SLC8A1: variants seen among roughly 807,000 people sequenced by gnomAD.
The protein encoded by SLC8A1 is solute carrier family 8 member A1.
In SLC8A1, 18 loss-of-function variants were observed where a neutral mutation model predicts 68.3. The observed-to-expected ratio is 0.26, with a 90% CI of 0.18 to 0.39. The LOEUF (loss-of-function observed/expected upper bound fraction) is 0.39. Ranked by LOEUF, SLC8A1 falls within the 10% of genes least tolerant of loss-of-function variation. The probability of loss-of-function intolerance (pLI) is 1.00; values close to 1 mark genes in which losing one functional copy is unlikely to be tolerated. For missense variants in SLC8A1, 985 were observed against 1,156.7 expected (o/e 0.85, Z 2.15); for synonymous variants, 475 against 415.5 (o/e 1.14, Z -1.74).
intron 2 of SLC8A1, among the ~76,000 whole-genome samples, chr2:40,332,943 A>G (rs1280721026): frequency 6.6e-6 from 1 of 152,228 alleles, no homozygotes; most frequent in Non-Finnish European, 1.5e-5. Flanking sequence ...GGAAAAGTAA[A>G]TTAGCTAGAC....
intron 2 of SLC8A1, among the ~76,000 whole-genome samples, chr2:40,263,630 TA>T (rs2064990432): frequency 6.6e-6 from 1 of 152,166 alleles, no homozygotes; most frequent in Non-Finnish European, 1.5e-5. Context: ...TAAATGGTGC[TA>T]GCCATTTATG....
intron 2 of SLC8A1, among the ~76,000 whole-genome samples, chr2:40,298,066 G>A (rs953672093): frequency 2.6e-5 from 4 of 151,988 alleles, no homozygotes; most frequent in African/African-American, 9.7e-5. Flanking sequence ...GATTTTAGTA[G>A]AGACAGAATT....
At chr2:40,374,842 G>A (rs933364327) in intron 2 of SLC8A1, among the ~76,000 whole-genome samples, 3 of 151,964 alleles carry the variant, frequency 2.0e-5, no homozygotes, top group Non-Finnish European at 4.4e-5. Context: ...TATGTTTAAG[G>A]ACTTTTTTTA....
intron 2 of SLC8A1, among the ~76,000 whole-genome samples, chr2:40,327,400 G>C (rs578042499): frequency 3.9e-5 from 6 of 152,106 alleles, no homozygotes; most frequent in Non-Finnish European, 4.4e-5. Flanking sequence ...TCCCAAAAGA[G>C]GCATTATGTG....
At chr2:40,433,960 G>A (rs1170493734) in intron 1 of SLC8A1, among the ~76,000 whole-genome samples, 2 of 152,160 alleles carry the variant, frequency 1.3e-5, no homozygotes, top group East Asian at 1.9e-4. Flanking sequence ...TAACTGTGAT[G>A]TAACATGAGG....
intron 2 of SLC8A1, among the ~76,000 whole-genome samples, chr2:40,334,977 T>C (rs772389882): frequency 6.6e-6 from 1 of 152,168 alleles, no homozygotes; most frequent in Non-Finnish European, 1.5e-5. Context: ...GTAAATTCGG[T>C]CATCCCTGCT....
intron 2 of SLC8A1, among the ~76,000 whole-genome samples, chr2:40,262,681 G>A (rs1290970006): frequency 6.6e-6 from 1 of 152,182 alleles, no homozygotes; most frequent in Non-Finnish European, 1.5e-5. Flanking sequence ...CTTGATTCAT[G>A]ATAGAATGTG....
chr2:40,200,260 A>T (rs1246837094), intron 2 of SLC8A1, among the ~76,000 whole-genome samples: 4 of 78,728 alleles, frequency 5.1e-5, no homozygotes, highest in African/African-American at 1.6e-4. Context: ...ATATATATAT[A>T]TATATATAAC....
intron 2 of SLC8A1, among the ~76,000 whole-genome samples, chr2:40,264,745 T>G (rs1035759924): frequency 6.6e-6 from 1 of 152,200 alleles, no homozygotes; most frequent in Non-Finnish European, 1.5e-5. Flanking sequence ...ATATACCTAA[T>G]GTTAAATGAC....
intron 2 of SLC8A1, among the ~76,000 whole-genome samples, chr2:40,393,459 T>A (rs577485555): frequency 6.6e-6 from 1 of 150,574 alleles, no homozygotes; most frequent in South Asian, 2.1e-4. Context: ...TTCCAAATGA[T>A]TTTCTGTCAT....
At chr2:40,257,071 AT>A (rs1263251161) in intron 2 of SLC8A1, among the ~76,000 whole-genome samples, 1 of 152,218 alleles carries the variant, frequency 6.6e-6, no homozygotes, top group Admixed American at 6.5e-5. Flanking sequence ...ATCATAACAA[AT>A]ATACATATCT....
At chr2:40,222,998 C>G (rs2058532740) in intron 2 of SLC8A1, among the ~76,000 whole-genome samples, 1 of 152,114 alleles carries the variant, frequency 6.6e-6, no homozygotes, top group Admixed American at 6.5e-5. Flanking sequence ...TGTCATTTGA[C>G]CTAGCAATCC....
intron 7 of SLC8A1, among the ~76,000 whole-genome samples, chr2:40,135,727 T>C (rs2040385380): frequency 6.6e-6 from 1 of 151,840 alleles, no homozygotes; most frequent in Admixed American, 6.6e-5. Context: ...TAAAAAAACA[T>C]AAATACAATT....
At chr2:40,315,725 A>G (rs1028067248) in intron 2 of SLC8A1, among the ~76,000 whole-genome samples, 11 of 152,056 alleles carry the variant, frequency 7.2e-5, no homozygotes, top group African/African-American at 2.4e-4. Context: ...TCATGTAGCT[A>G]AAGTGCAATC....
intron 2 of SLC8A1, among the ~76,000 whole-genome samples, chr2:40,404,828 C>T (rs1197611724): frequency 1.3e-5 from 2 of 152,162 alleles, no homozygotes; most frequent in Non-Finnish European, 2.9e-5. Flanking sequence ...CAAATGAATG[C>T]TGAAAAGTAG....
At position 40,340,428 on chromosome 2, in the gene SLC8A1, G is replaced by C. The variant is rs1023706753; in HGVS notation, c.1808+88045C>G. Among the ~76,000 whole-genome samples, 3 of 152,166 alleles carry C rather than the reference G, an allele frequency of 2.0e-5. No homozygotes were observed. The South Asian group carries it at 6.2e-4, about 32-fold the overall frequency. ...ATACAAAAATTAGCTGGGCATGGTG[G>C]CAGGCACCTGTAATCCCAGCTACTC... On this transcript the variant is annotated intron_variant, in intron 2 of 7. Coordinates refer to ENST00000406785, the Ensembl canonical transcript of SLC8A1.
At chr2:40,305,219 A>C (rs759301651) in intron 2 of SLC8A1, among the ~76,000 whole-genome samples, 1 of 152,214 alleles carries the variant, frequency 6.6e-6, no homozygotes, top group Non-Finnish European at 1.5e-5. Context: ...GGTGTGAAGC[A>C]GTGAAGACAG....
At chr2:40,216,830 C>T (rs921468265) in intron 2 of SLC8A1, among the ~76,000 whole-genome samples, 3 of 152,116 alleles carry the variant, frequency 2.0e-5, no homozygotes, top group Non-Finnish European at 4.4e-5. Flanking sequence ...AGATCCTTCG[C>T]CCACTTTTTG....
intron 2 of SLC8A1, among the ~76,000 whole-genome samples, chr2:40,229,290 G>A (rs371492): frequency 0.59 from 90,022 of 151,658 alleles, 27,384 homozygotes; most frequent in Middle Eastern, 0.78. Context: ...CAATTGTAAT[G>A]ATAAAAAATA....
Sources: gnomAD v4.1 joint callset for allele counts (sites outside exome capture counted in the v4.1 genomes callset) on GRCh38, gnomAD v4.1.1 for gene constraint, MANE v1.5 for transcripts, NCBI Gene and HGNC (gene_info 2026-07-23, HGNC 2026-07-21) for gene names.